The following ANKRD11 variants were observed in gnomAD, a reference collection of about 807,000 sequenced individuals.
The protein encoded by ANKRD11 is ankyrin repeat domain-containing protein 11.
Under a neutral mutation model 195.7 loss-of-function variants are expected in ANKRD11, and 17 were observed. The ratio of observed to expected loss-of-function variants is 0.09; its 90% CI spans 0.06 to 0.13. The LOEUF (loss-of-function observed/expected upper bound fraction) is 0.13, where lower values mean the gene tolerates loss of function less well. Ranked by LOEUF, ANKRD11 falls within the 10% of genes least tolerant of loss-of-function variation. The pLI, the probability that ANKRD11 is intolerant of heterozygous loss-of-function variation, is 1.00. For synonymous variants in ANKRD11, 1,953 were observed against 1,528.1 expected, an observed-to-expected ratio of 1.28 and a Z score of -6.49; for missense variants, 3,735 against 3,566.1, an observed-to-expected ratio of 1.05 and a Z score of -1.21.
intron 1 of ANKRD11, among the ~76,000 whole-genome samples, chr16:89,440,617 A>G (rs1246751549): frequency 6.6e-6 from 1 of 152,136 alleles, no homozygotes; most frequent in Non-Finnish European, 1.5e-5. Flanking sequence ...CTGTCTCAAA[A>G]GGAGGGGGAG....
chr16:89,296,590 C>A (rs921639948), intron 4 of ANKRD11, among the ~76,000 whole-genome samples: 3 of 152,224 alleles, frequency 2.0e-5, no homozygotes, highest in Non-Finnish European at 4.4e-5. Context: ...CATGATACTC[C>A]ATGGTTTTAA....
At chr16:89,458,655 A>G (rs540476574) in intron 1 of ANKRD11, among the ~76,000 whole-genome samples, 2 of 152,386 alleles carry the variant, frequency 1.3e-5, no homozygotes, top group African/African-American at 2.4e-5. Flanking sequence ...TCCATTAATC[A>G]TCTCCAAGGC....
chr16:89,368,513 C>T (rs1348444185), intron 2 of ANKRD11, among the ~76,000 whole-genome samples: 1 of 151,248 alleles, frequency 6.6e-6, no homozygotes, highest in African/African-American at 2.4e-5. Flanking sequence ...AGCCACCGCG[C>T]CCAGCCCAGA....
At chr16:89,346,643 G>C (rs2038954969) in intron 2 of ANKRD11, among the ~76,000 whole-genome samples, 1 of 152,146 alleles carries the variant, frequency 6.6e-6, no homozygotes, top group African/African-American at 2.4e-5. Context: ...CTAAGGATGA[G>C]GGAGGAGGGA....
chr16:89,434,370 T>C (rs529907608), intron 1 of ANKRD11, among the ~76,000 whole-genome samples: 1 of 152,320 alleles, frequency 6.6e-6, no homozygotes, highest in African/African-American at 2.4e-5. Context: ...GCAATTCTTC[T>C]CTAACTTGAG....
chr16:89,378,821 T>C (rs1321128503), intron 2 of ANKRD11, among the ~76,000 whole-genome samples: 1 of 151,778 alleles, frequency 6.6e-6, no homozygotes, highest in African/African-American at 2.4e-5. Flanking sequence ...TCAGGCGCTG[T>C]GGTTTAAAAC....
At chr16:89,275,265 C>T (rs576740860) in intron 9 of ANKRD11, 74 bp from the exon 10 acceptor site, 18 of 1,334,322 alleles carry the variant, frequency 1.3e-5, no homozygotes, top group East Asian at 5.0e-5. Context: ...CTGGAGTTCA[C>T]GGGGGTCCCG....
intron 2 of ANKRD11, among the ~76,000 whole-genome samples, chr16:89,394,535 G>T (rs954800317): frequency 2.0e-5 from 3 of 152,038 alleles, no homozygotes; most frequent in Non-Finnish European, 4.4e-5. Flanking sequence ...GGCTGAGGCA[G>T]GAGAATCGCT....
At chr16:89,344,344 C>T (rs1215821164) in intron 2 of ANKRD11, among the ~76,000 whole-genome samples, 1 of 152,316 alleles carries the variant, frequency 6.6e-6, no homozygotes, top group Non-Finnish European at 1.5e-5. Flanking sequence ...GGAGCTGCAA[C>T]CATCCAAAGA....
chr16:89,362,487 C>T (rs117005252), intron 2 of ANKRD11, among the ~76,000 whole-genome samples: 3 of 152,346 alleles, frequency 2.0e-5, no homozygotes, highest in Non-Finnish European at 2.9e-5. Flanking sequence ...CTCAATCCCA[C>T]GTGACTGAAC....
chr16:89,323,014 C>T (rs2151940992), intron 2 of ANKRD11: 1 of 306,404 alleles, frequency 3.3e-6, no homozygotes, highest in Middle Eastern at 1.2e-3. Flanking sequence ...CGGCTAATTT[C>T]TGTACTTTCT....
intron 1 of ANKRD11, among the ~76,000 whole-genome samples, chr16:89,482,782 G>C (rs1475158976): frequency 6.6e-6 from 1 of 152,136 alleles, no homozygotes; most frequent in Non-Finnish European, 1.5e-5. Context: ...ACAGAGCCGA[G>C]ACTCTCCAAA....
rs776920280 is a variant in ANKRD11, at chr16:89,305,159, G to A, written c.226+47C>T. The A allele has an allele frequency of 1.5e-5, 24 of 1,601,600 alleles. No homozygotes were observed. In the East Asian group the frequency reaches 2.2e-4, roughly 15 times the overall value. On this transcript the variant is annotated intron_variant, in intron 4 of 12. Coordinates refer to ENST00000301030, the MANE Select transcript of ANKRD11 (RefSeq NM_013275.6). ...AGGGACGCCCTGCCTGGGCTGCTCCGGGCTGCCTGTGGAGGGCTGACTGCA... is the reference window on the plus strand; with the variant it reads ...AGGGACGCCCTGCCTGGGCTGCTCCAGGCTGCCTGTGGAGGGCTGACTGCA...
At chr16:89,427,617 C>A (rs886126039) in intron 1 of ANKRD11, among the ~76,000 whole-genome samples, 1 of 149,122 alleles carries the variant, frequency 6.7e-6, no homozygotes, top group East Asian at 2.0e-4. Context: ...GCCAACATGG[C>A]GAAACCCCAT....
At chr16:89,276,946 C>CTCAGGAA (rs2033705965) in intron 9 of ANKRD11, among the ~76,000 whole-genome samples, 1 of 151,618 alleles carries the variant, frequency 6.6e-6, no homozygotes, top group Admixed American at 6.6e-5. Context: ...ATCCCAGCTA[C>CTCAGGAA]TCAGGAGGCT....
At chr16:89,276,062 C>T (rs1396461968) in intron 9 of ANKRD11, among the ~76,000 whole-genome samples, 2 of 152,206 alleles carry the variant, frequency 1.3e-5, no homozygotes, top group Admixed American at 6.5e-5. Flanking sequence ...CAAGGCGGAG[C>T]CGGGTGGCCA....
chr16:89,334,163 A>AAAAAAAC (rs2038218706), intron 2 of ANKRD11, among the ~76,000 whole-genome samples: 4 of 143,984 alleles, frequency 2.8e-5, no homozygotes, highest in African/African-American at 1.0e-4. Flanking sequence ...AAAAAAAAAA[A>AAAAAAAC]AAAAAAAAAA....
chr16:89,472,874 A>T (rs1451520556), intron 1 of ANKRD11, among the ~76,000 whole-genome samples: 3 of 152,208 alleles, frequency 2.0e-5, no homozygotes, highest in Non-Finnish European at 4.4e-5. Flanking sequence ...AAGTGAAAAA[A>T]GAGCTCAACC....
chr16:89,353,065 C>T (rs970554463), intron 2 of ANKRD11, among the ~76,000 whole-genome samples: 2 of 152,204 alleles, frequency 1.3e-5, no homozygotes, highest in East Asian at 1.9e-4. Context: ...TAGGGCTGGG[C>T]GCGGTGGCTC....
Sources: allele counts gnomAD v4.1 joint callset (sites outside exome capture counted in the v4.1 genomes callset), GRCh38; gene constraint gnomAD v4.1.1; transcripts MANE v1.5; gene names NCBI Gene and HGNC (gene_info 2026-07-23, HGNC 2026-07-21).